PTPRO: variants seen among roughly 807,000 people sequenced by gnomAD.
PTPRO encodes protein tyrosine phosphatase receptor type O.
A neutral mutation model predicts 145.2 loss-of-function variants in PTPRO; 62 were observed. That is an observed-to-expected ratio of 0.43 (90% CI 0.35 to 0.53). The LOEUF (loss-of-function observed/expected upper bound fraction) is 0.53, where lower values mean the gene tolerates loss of function less well. Among genes scored for constraint, PTPRO ranks in the 20% least tolerant of loss-of-function variants. The probability of loss-of-function intolerance (pLI) is 0.01; values close to 1 mark genes in which losing one functional copy is unlikely to be tolerated. For missense variants in PTPRO, 1,345 were observed against 1,482.7 expected (o/e 0.91, Z 1.53); for synonymous variants, 565 against 514.7 (o/e 1.10, Z -1.32).
chr12:15,553,674 A>T (rs895698198), intron 15 of PTPRO, among the ~76,000 whole-genome samples: 1 of 152,312 alleles, frequency 6.6e-6, no homozygotes. Flanking sequence ...TCTGGAGCAG[A>T]AGATTAACAG....
At chr12:15,579,841 A>G (rs528981602) in intron 20 of PTPRO, among the ~76,000 whole-genome samples, 198 bp from the exon 21 acceptor site, 225 of 152,334 alleles carry the variant, frequency 1.5e-3, no homozygotes, top group African/African-American at 5.2e-3. Context: ...TAGTGAAAAA[A>G]AAATAGTGGT....
At chr12:15,536,544 C>G (rs902036754) in intron 12 of PTPRO, among the ~76,000 whole-genome samples, 1 of 152,234 alleles carries the variant, frequency 6.6e-6, no homozygotes, top group Admixed American at 6.5e-5. Flanking sequence ...GGGAACAGAC[C>G]GTGTAGGGTC....
chr12:15,551,515 G>T, intron 14 of PTPRO, 36 bp from the exon 15 acceptor site: 1 of 1,609,760 alleles, frequency 6.2e-7, no homozygotes. Flanking sequence ...CCCTGTAAGA[G>T]AACCTATGAT....
In PTPRO at chr12:15,534,469, G is replaced by A. The variant is rs138132574; in HGVS notation, c.2164+8207G>A. ...GTCGTGATGGTAATGAACCCAGAGC[G>A]CTACTTTCACTTTCTGTTCACAAGG... On this transcript the variant is annotated intron_variant, in intron 12 of 26. Transcript: ENST00000281171. Among the ~76,000 whole-genome samples, 22 of 152,204 alleles carry A rather than the reference G, an allele frequency of 1.4e-4. No individual in the cohort carries two copies. In the East Asian group the frequency reaches 2.5e-3, roughly 17 times the overall value.
At chr12:15,433,510 A>G (rs1020359674) in intron 1 of PTPRO, among the ~76,000 whole-genome samples, 7 of 152,126 alleles carry the variant, frequency 4.6e-5, no homozygotes, top group Admixed American at 3.3e-4. Context: ...TTAAGTCTTT[A>G]ATCCATCTTG....
chr12:15,587,938 G>A (rs1944464920), intron 24 of PTPRO, among the ~76,000 whole-genome samples: 1 of 152,172 alleles, frequency 6.6e-6, no homozygotes, highest in African/African-American at 2.4e-5. Context: ...AAGTATATGT[G>A]TGCATTCATG....
At chr12:15,502,190 AG>A (rs1942236138) in intron 5 of PTPRO, 127 bp downstream of exon 5, 2 of 956,496 alleles carry the variant, frequency 2.1e-6, no homozygotes, top group Non-Finnish European at 3.1e-6. Context: ...TGGTAATGAA[AG>A]GGGAGAATTT....
At chr12:15,588,823 C>G (rs796897431) in intron 24 of PTPRO, among the ~76,000 whole-genome samples, 2 of 152,086 alleles carry the variant, frequency 1.3e-5, no homozygotes. Context: ...AATCAGTTCC[C>G]GAGAGTACTC....
chr12:15,528,534 A>AAG lies in PTPRO; in HGVS notation c.2164+2272_2164+2273insAG, dbSNP rs397957543. On this transcript the variant is annotated intron_variant, in intron 12 of 26. Transcript: ENST00000281171. ...AGCAAGAATCTGTCAAAAAAAAAAA[A>AAG]GGTATTAAAAAAACCTTAAAAGATC... is the stretch of plus-strand genomic sequence containing the variant. Among the ~76,000 whole-genome samples, 728 of 151,468 alleles carry AAG rather than the reference A, an allele frequency of 4.8e-3. 13 individuals are homozygous for AAG. The highest frequency in any genetic ancestry group is 0.016 in the African/African-American group (677 of 41,228).
intron 1 of PTPRO, among the ~76,000 whole-genome samples, chr12:15,468,364 AC>A (rs1941464365): frequency 6.6e-6 from 1 of 152,136 alleles, no homozygotes; most frequent in Admixed American, 6.5e-5. Flanking sequence ...AAAGCCTCTA[AC>A]TTTTTTAGAA....
chr12:15,343,700 T>C (rs1565574994), intron 1 of PTPRO, among the ~76,000 whole-genome samples: 1 of 152,022 alleles, frequency 6.6e-6, no homozygotes, highest in Non-Finnish European at 1.5e-5. Context: ...AATAAATATA[T>C]ATATATTTTT....
rs755367238 is a variant in PTPRO, at chr12:15,524,819, G to T, written c.1897G>T (p.Val633Leu). ...SSTISFITAP[V>L]APEITSVEYF... is the part of the protein sequence containing the mutation. ...GCCTCGTTTCTCCCTTGTAGCCCCA[G>T]TGGCTCCGGAAATCACTTCTGTGGA... The change falls in exon 11 of 27, where the codon GTG (valine) becomes TTG (leucine). Residue 633 changes from valine to leucine, a missense_variant. Around this residue, in one of 3 missense-constraint regions of PTPRO, gnomAD observed 1,130 missense variants for 1,214.7 expected, o/e 0.93. Transcript: ENST00000281171. 6.2e-7 allele frequency: 1 copy of T among 1,612,912 alleles called. No homozygotes were observed.
intron 25 of PTPRO, among the ~76,000 whole-genome samples, chr12:15,591,464 A>T (rs1342309550): frequency 6.6e-6 from 1 of 152,076 alleles, no homozygotes; most frequent in African/African-American, 2.4e-5. Flanking sequence ...TTCACATGAC[A>T]CATCCTCCAT....
chr12:15,560,950 T>C (rs1943758009), intron 17 of PTPRO, among the ~76,000 whole-genome samples: 1 of 152,104 alleles, frequency 6.6e-6, no homozygotes, highest in Non-Finnish European at 1.5e-5. Context: ...ATTTCTTATT[T>C]TCTTAACTTC....
chr12:15,351,621 G>A (rs189359940), intron 1 of PTPRO, among the ~76,000 whole-genome samples: 50 of 152,290 alleles, frequency 3.3e-4, no homozygotes, highest in African/African-American at 6.5e-4. Flanking sequence ...GAAGCCAACA[G>A]GGAGGAAAGT....
chr12:15,353,215 C>T (rs755813934), intron 1 of PTPRO, among the ~76,000 whole-genome samples: 1 of 152,092 alleles, frequency 6.6e-6, no homozygotes, highest in Non-Finnish European at 1.5e-5. Context: ...CACTCATCTA[C>T]CCCACCCTAC....
rs539647693 is a variant in PTPRO, at chr12:15,531,876, G to A, written c.2164+5614G>A. Among the ~76,000 whole-genome samples the A allele has an allele frequency of 2.6e-5, 4 of 152,206 alleles. No homozygotes were observed. In the South Asian group the frequency reaches 8.3e-4, roughly 32 times the overall value. On this transcript the variant is annotated intron_variant, in intron 12 of 26. Transcript: ENST00000281171. ...AAGATGTCTGCTAATTTTTGTGTCT[G>A]AATTTGTTCATAACAGTCTCAAGCC...
intron 1 of PTPRO, among the ~76,000 whole-genome samples, chr12:15,333,929 G>A (rs564593499): frequency 3.9e-5 from 6 of 151,962 alleles, no homozygotes; most frequent in African/African-American, 1.2e-4. Flanking sequence ...ATTCTCCATC[G>A]TATTCATTGA....
chr12:15,548,334 G>A (rs948036532), intron 13 of PTPRO, among the ~76,000 whole-genome samples: 2 of 152,174 alleles, frequency 1.3e-5, no homozygotes, highest in East Asian at 1.9e-4. Flanking sequence ...GATGCCAAAG[G>A]TGAGTAACTT....
Sources: allele counts gnomAD v4.1 joint callset (sites outside exome capture counted in the v4.1 genomes callset), GRCh38; gene constraint gnomAD v4.1.1; regional missense constraint gnomAD v4.1.1; transcripts MANE v1.5; gene names NCBI Gene and HGNC (gene_info 2026-07-23, HGNC 2026-07-21).